Variants in PCDH7 observed in about 807,000 individuals in gnomAD.
PCDH7 encodes protocadherin-7.
A neutral mutation model predicts 58.9 loss-of-function variants in PCDH7; 17 were observed. That is an observed-to-expected ratio of 0.29 (90% CI 0.20 to 0.43). The LOEUF (loss-of-function observed/expected upper bound fraction) is 0.43. Ranked by LOEUF, PCDH7 falls within the 20% of genes least tolerant of loss-of-function variation. PCDH7 has a pLI of 1.00. For missense variants in PCDH7, 1,274 were observed against 1,441.0 expected (o/e 0.88, Z 1.88); for synonymous variants, 664 against 616.4 (o/e 1.08, Z -1.14).
chr4:31,001,863 C>G (rs1752386818), intron 3 of PCDH7, among the ~76,000 whole-genome samples: 1 of 152,150 alleles, frequency 6.6e-6, no homozygotes, highest in African/African-American at 2.4e-5. Context: ...CTATGTTCAA[C>G]ACTGTAATTA....
chr4:30,918,500 G>A (rs2109413041), intron 1 of PCDH7, among the ~76,000 whole-genome samples: 1 of 152,040 alleles, frequency 6.6e-6, no homozygotes, highest in South Asian at 2.1e-4. Flanking sequence ...CAAGAAATAT[G>A]AGAATCATTA....
intron 3 of PCDH7, among the ~76,000 whole-genome samples, chr4:30,990,189 A>G (rs1244587627): frequency 6.6e-6 from 1 of 152,002 alleles, no homozygotes; most frequent in East Asian, 1.9e-4. Flanking sequence ...TAAAATTTAA[A>G]AATTTTGTGC....
At chr4:31,056,458 G>A (rs1047160821) in intron 3 of PCDH7, among the ~76,000 whole-genome samples, 2 of 83,156 alleles carry the variant, frequency 2.4e-5, no homozygotes, top group Non-Finnish European at 4.4e-5. Flanking sequence ...AAGAAAGAAA[G>A]AAGAAAGAAA....
chr4:31,109,944 G>T (rs1222695894), intron 3 of PCDH7, among the ~76,000 whole-genome samples: 2 of 152,092 alleles, frequency 1.3e-5, no homozygotes, highest in Non-Finnish European at 2.9e-5. Context: ...TTTAATTACA[G>T]CATAAACTGG....
chr4:30,900,126 C>G (rs917132791), intron 1 of PCDH7, among the ~76,000 whole-genome samples: 2 of 152,202 alleles, frequency 1.3e-5, no homozygotes, highest in South Asian at 2.1e-4. Flanking sequence ...ACTGGGTTGT[C>G]TAACTTAAAT....
chr4:30,950,733 A>G (rs1747273915), intron 3 of PCDH7, among the ~76,000 whole-genome samples: 1 of 152,230 alleles, frequency 6.6e-6, no homozygotes, highest in East Asian at 1.9e-4. Context: ...AAGCTATGCC[A>G]TTCAGATGTG....
chr4:30,880,285 G>GAA (rs71651563), intron 1 of PCDH7, among the ~76,000 whole-genome samples: 11 of 120,082 alleles, frequency 9.2e-5, no homozygotes, highest in African/African-American at 1.8e-4. Context: ...AGCTACAAAA[G>GAA]AAAAAAAAAA....
chr4:31,029,814 G>C (rs1353919540), intron 3 of PCDH7, among the ~76,000 whole-genome samples: 2 of 152,130 alleles, frequency 1.3e-5, no homozygotes, highest in Non-Finnish European at 2.9e-5. Flanking sequence ...TGGGGTTCAG[G>C]CATAATAAAG....
At chr4:31,145,310 T>G (rs1720605240), downstream of PCDH7, 1 of 152,138 alleles carries the variant, frequency 6.6e-6, no homozygotes, top group Admixed American at 6.6e-5. Flanking sequence ...CTGTAAGTAT[T>G]CACAGTAATT....
chr4:31,124,920 T>C (rs1718119724), intron 3 of PCDH7, among the ~76,000 whole-genome samples: 1 of 152,160 alleles, frequency 6.6e-6, no homozygotes, highest in Admixed American at 6.5e-5. Flanking sequence ...CAAGGAGTGG[T>C]TCAGCATCTC....
Position 31,019,789 on chromosome 4 carries a change from C to T in PCDH7, c.*7+69574C>T, listed in dbSNP as rs1034117638. 7.2e-5 allele frequency among the ~76,000 whole-genome samples: 11 copies of T among 151,822 alleles called. No individual in the cohort carries two copies. In the East Asian group the frequency reaches 9.7e-4, roughly 13 times the overall value. On this transcript the variant is annotated intron_variant, in intron 3 of 3. Coordinates refer to the PCDH7 transcript ENST00000509759. ...ACACATATACACACATGTACAGACA[C>T]GCACATGCACACACACCCACAGGTA...
At chr4:31,101,098 G>A (rs939214213) in intron 3 of PCDH7, among the ~76,000 whole-genome samples, 1 of 151,988 alleles carries the variant, frequency 6.6e-6, no homozygotes, top group Non-Finnish European at 1.5e-5. Flanking sequence ...TTACCAGGTA[G>A]CATTTTTTTT....
At chr4:30,989,594 G>A (rs1347295194) in intron 3 of PCDH7, among the ~76,000 whole-genome samples, 3 of 152,188 alleles carry the variant, frequency 2.0e-5, no homozygotes, top group Non-Finnish European at 1.5e-5. Flanking sequence ...TACTTACAAA[G>A]TAGAGGCACA....
intron 3 of PCDH7, among the ~76,000 whole-genome samples, chr4:31,007,087 G>A (rs1160844107): frequency 6.6e-6 from 1 of 152,116 alleles, no homozygotes; most frequent in African/African-American, 2.4e-5. Context: ...TGAGGCACTG[G>A]TATAACTTGG....
At chr4:30,763,184 T>G (rs555536346) in intron 1 of PCDH7, among the ~76,000 whole-genome samples, 2 of 152,270 alleles carry the variant, frequency 1.3e-5, no homozygotes, top group South Asian at 4.1e-4. Context: ...CATTGCACAT[T>G]GCACTCCGGC....
At chr4:31,065,516 T>G (rs949470997) in intron 3 of PCDH7, among the ~76,000 whole-genome samples, 3 of 151,958 alleles carry the variant, frequency 2.0e-5, no homozygotes, top group African/African-American at 7.2e-5. Flanking sequence ...TTACAAAGCA[T>G]GTAGTCAGCA....
intron 1 of PCDH7, among the ~76,000 whole-genome samples, chr4:30,726,020 T>C (rs780283948): frequency 6.6e-6 from 1 of 152,076 alleles, no homozygotes; most frequent in Admixed American, 6.5e-5. Context: ...TTTGAAAATA[T>C]GTCCTTTGGT....
chr4:30,793,163 CT>C (rs1187362314), intron 1 of PCDH7, among the ~76,000 whole-genome samples: 9 of 152,084 alleles, frequency 5.9e-5, no homozygotes, highest in Non-Finnish European at 1.5e-5. Context: ...GTTTATGAGG[CT>C]TACTTCCAAT....
At chr4:30,904,955 C>T (rs762078772) in intron 1 of PCDH7, among the ~76,000 whole-genome samples, 2 of 152,096 alleles carry the variant, frequency 1.3e-5, no homozygotes, top group East Asian at 1.9e-4. Flanking sequence ...TATTTAAGGA[C>T]ACAAACCTTC....
Sources: gnomAD v4.1 joint callset for allele counts (sites outside exome capture counted in the v4.1 genomes callset) on GRCh38, gnomAD v4.1.1 for gene constraint, MANE v1.5 for transcripts, NCBI Gene and HGNC (gene_info 2026-07-23, HGNC 2026-07-21) for gene names.